Variants in DOK7 observed in about 807,000 individuals in gnomAD.
The protein encoded by DOK7 is docking protein 7.
DOK7 carries 32 observed loss-of-function variants against 30.7 expected under a neutral mutation model. The ratio of observed to expected loss-of-function variants is 1.04; its 90% CI spans 0.79 to 1.40. DOK7 has a LOEUF of 1.40. Ranked by LOEUF, DOK7 falls within the 40% of genes most tolerant of loss-of-function variation. The probability of loss-of-function intolerance (pLI) is 0.00; values close to 1 mark genes in which losing one functional copy is unlikely to be tolerated. For synonymous variants in DOK7, 447 were observed against 324.1 expected (o/e 1.38, Z -4.07); for missense variants, 1,007 against 699.2 (o/e 1.44, Z -4.97).
chr4:3,473,765 G>A (rs1560210372), intron 3 of DOK7, 129 bp downstream of exon 3: 2 of 922,682 alleles, frequency 2.2e-6, no homozygotes, highest in Non-Finnish European at 3.2e-6. Context: ...ATTCATGGGT[G>A]CCTTAGGGTG....
At position 3,493,476 on chromosome 4, in the gene DOK7, G is replaced by A. The variant is rs1479149010; in HGVS notation, c.1490G>A (p.Gly497Glu). Residue 497 changes from glycine to glutamate, a missense_variant, in exon 7 of 7, where the codon GGA becomes GAA. Gly to Glu is a moderately conservative substitution (Grantham distance 98, BLOSUM62 -2). Transcript: ENST00000340083. ...AFFSACPVCG[G>E]LKVNPPP ...TTTTCGGCATGTCCAGTCTGTGGAG[G>A]ACTCAAGGTAAACCCCCCTCCTTGA... is the stretch of plus-strand genomic sequence containing the variant. 3 of 1,611,200 alleles carry A rather than the reference G, an allele frequency of 1.9e-6. No homozygotes were observed. Among genetic ancestry groups the A allele is most frequent in the Non-Finnish European group, 2.5e-6 (3 of 1,179,362 alleles).
At chr4:3,490,125 C>CACCCCTTCATTCCTTTTA (rs1728142892) in intron 6 of DOK7, among the ~76,000 whole-genome samples, 1 of 43,094 alleles carries the variant, frequency 2.3e-5, no homozygotes, top group African/African-American at 1.1e-4. Context: ...CATTCCTTTT[C>CACCCCTTCATTCCTTTTA]TCCCTGCTCA....
chr4:3,485,713 G>A (rs1014127790), intron 5 of DOK7, 55 bp downstream of exon 5: 42 of 1,452,724 alleles, frequency 2.9e-5, no homozygotes, highest in African/African-American at 7.2e-5. Flanking sequence ...GCTGTGCGAC[G>A]TCCCGGGGCG....
chr4:3,479,643 G>A (rs1420037404), intron 4 of DOK7, among the ~76,000 whole-genome samples: 1 of 152,174 alleles, frequency 6.6e-6, no homozygotes, highest in East Asian at 1.9e-4. Context: ...GGGTGACCCT[G>A]GCCCAAGGCG....
intron 5 of DOK7, among the ~76,000 whole-genome samples, chr4:3,487,961 TG>T (rs1269443877): frequency 2.6e-5 from 4 of 152,210 alleles, no homozygotes; most frequent in Non-Finnish European, 5.9e-5. Flanking sequence ...CGTGGCTGAA[TG>T]TGTCTGTGAA....
intron 5 of DOK7, among the ~76,000 whole-genome samples, chr4:3,488,714 C>T (rs556851743): frequency 6.6e-6 from 1 of 152,026 alleles, no homozygotes; most frequent in African/African-American, 2.4e-5. Flanking sequence ...AGGTGGGTGT[C>T]AGGAGGTGTG....
chr4:3,482,996 AG>A (rs1727525817), intron 4 of DOK7, among the ~76,000 whole-genome samples: 4 of 151,484 alleles, frequency 2.6e-5, no homozygotes, highest in Non-Finnish European at 5.9e-5. Context: ...GGCCAAGAAA[AG>A]CATCATGAAA....
Position 3,463,411 on chromosome 4 carries a change from G to T in DOK7, c.36G>T (p.Lys12Asn), listed in dbSNP as rs368106071. The T allele has an allele frequency of 3.7e-5, 55 of 1,469,870 alleles. No homozygotes were observed. Among genetic ancestry groups the T allele is most frequent in the Non-Finnish European group, 4.6e-5 (52 of 1,119,638 alleles). 91.1% of individuals were successfully genotyped at this position (1,469,870 alleles called of 1,614,324 possible). ...TEAALVEGQV[K>N]LRDGKKWKSR... The stretch of plus-strand genomic sequence containing the variant: ...CGGCGCTGGTGGAGGGCCAGGTCAA[G>T]CTGCGGGACGGCAAGAAGGTCGGGG... Residue 12 changes from lysine to asparagine, a missense_variant, in exon 1 of 7, where the codon AAG becomes AAT. Transcript: ENST00000340083.
chr4:3,489,939 TC>T, intron 6 of DOK7, 143 bp downstream of exon 6: 3 of 1,297,108 alleles, frequency 2.3e-6, no homozygotes, highest in Admixed American at 2.4e-5. Context: ...CATTCATTCT[TC>T]CCCCAACTCC....
chr4:3,482,021 C>T (rs1727469124), intron 4 of DOK7, among the ~76,000 whole-genome samples: 1 of 152,112 alleles, frequency 6.6e-6, no homozygotes, highest in African/African-American at 2.4e-5. Flanking sequence ...GTTCTGCTGA[C>T]TCTGTCCTGC....
In DOK7 at chr4:3,489,810, C is replaced by G. The variant is rs201023802; in HGVS notation, c.772+14C>G. The G allele has an allele frequency of 5.6e-5, 87 of 1,565,900 alleles. 1 individual carries two copies. In the East Asian group the frequency reaches 8.5e-4, roughly 15 times the overall value. Reference sequence around the variant, plus strand: ...CGGGCAGTGGAGGTAGGGCCGGGGGCTGACCTGGGCTGTGGGACCTCGGCT... The same window carrying G: ...CGGGCAGTGGAGGTAGGGCCGGGGGGTGACCTGGGCTGTGGGACCTCGGCT... On this transcript the variant is annotated intron_variant, in intron 6 of 6. Transcript: ENST00000340083.
chr4:3,476,617 C>T (rs574235571), intron 4 of DOK7, 75 bp downstream of exon 4: 43 of 1,584,606 alleles, frequency 2.7e-5, no homozygotes, highest in South Asian at 2.1e-4. Flanking sequence ...GGCTTCGGGC[C>T]GGCCGACCCC....
chr4:3,468,765 T>C (rs536758746), intron 2 of DOK7, among the ~76,000 whole-genome samples: 19 of 149,280 alleles, frequency 1.3e-4, no homozygotes, highest in Admixed American at 7.3e-4. Flanking sequence ...TGCGTGTGTG[T>C]GTGCATGTAT....
At chr4:3,486,483 T>C (rs1727800118) in intron 5 of DOK7, among the ~76,000 whole-genome samples, 1 of 152,162 alleles carries the variant, frequency 6.6e-6, no homozygotes, top group South Asian at 2.1e-4. Context: ...GAAGGGTGAC[T>C]GGGAGGGCAG....
At chr4:3,474,094 C>T (rs764085465) in intron 3 of DOK7, among the ~76,000 whole-genome samples, 20 of 152,188 alleles carry the variant, frequency 1.3e-4, no homozygotes, top group Non-Finnish European at 1.0e-4. Flanking sequence ...CCCTGTGGAA[C>T]TGGCCCTGGA....
intron 6 of DOK7, 54 bp from the exon 7 acceptor site, chr4:3,492,705 C>G: frequency 2.5e-6 from 4 of 1,597,116 alleles, no homozygotes; most frequent in Non-Finnish European, 3.4e-6. Flanking sequence ...TCAGCCACGT[C>G]CTGCCCAGAC....
At chr4:3,492,568 G>A (rs1000255114) in intron 6 of DOK7, among the ~76,000 whole-genome samples, 191 bp from the exon 7 acceptor site, 1 of 152,170 alleles carries the variant, frequency 6.6e-6, no homozygotes, top group Non-Finnish European at 1.5e-5. Context: ...ACAAAGAACA[G>A]GAGTGGATGA....
Position 3,492,459 on chromosome 4 carries a change from C to G in DOK7, c.773-300C>G, listed in dbSNP as rs75837017. Among the ~76,000 whole-genome samples, 464 of 133,696 alleles carry G rather than the reference C, an allele frequency of 3.5e-3. 2 individuals carry two copies. Among genetic ancestry groups the G allele is most frequent in the African/African-American group, 0.012 (439 of 35,844 alleles). 87.7% of individuals were successfully genotyped at this position (133,696 alleles called of 152,430 possible). A position where few individuals can be genotyped will look rare whatever the true frequency, so the allele number is the denominator to read the frequency against. ...TGTTAGGCAGGGAGGGTGGGGAGCT[C>G]TAGGGAAGGGGAGGAGGCGGGGACC... On this transcript the variant is annotated intron_variant, in intron 6 of 6. Coordinates refer to ENST00000340083, the MANE Select transcript of DOK7 (RefSeq NM_173660.5).
At chr4:3,470,056 T>TA (rs36108526) in intron 2 of DOK7, among the ~76,000 whole-genome samples, 19,837 of 152,218 alleles carry the variant, frequency 0.13, 1,436 homozygotes, top group Middle Eastern at 0.18. Context: ...TCCTGGGAGT[T>TA]AGAGCTCTGC....
Sources: gnomAD v4.1 joint callset for allele counts (sites outside exome capture counted in the v4.1 genomes callset) on GRCh38, gnomAD v4.1.1 for gene constraint, MANE v1.5 for transcripts, NCBI Gene and HGNC (gene_info 2026-07-23, HGNC 2026-07-21) for gene names.